Variants in CYGB observed in about 807,000 individuals in gnomAD.
CYGB encodes histoglobin.
A neutral mutation model predicts 20.7 loss-of-function variants in CYGB; 13 were observed. The observed-to-expected ratio is 0.63, with a 90% CI of 0.41 to 1.00. The LOEUF is 1.00. Among genes scored for constraint, CYGB ranks in the 50% least tolerant of loss-of-function variants. CYGB has a pLI of 0.00. For missense variants in CYGB, 218 were observed against 257.2 expected (o/e 0.85, Z 1.04); for synonymous variants, 93 against 107.4 (o/e 0.87, Z 0.83).
At chr17:76,544,420 G>C (rs991795551) in intron 1 of CYGB, 17 of 454,770 alleles carry the variant, frequency 3.7e-5, no homozygotes, top group Admixed American at 1.4e-4. Flanking sequence ...CGCTCAGGGT[G>C]GGGGAGGAGG....
At chr17:76,547,659 A>G (rs1445709044) in intron 1 of CYGB, among the ~76,000 whole-genome samples, 1 of 151,608 alleles carries the variant, frequency 6.6e-6, no homozygotes, top group East Asian at 1.9e-4. Context: ...ACACACACAC[A>G]CACATATTCA....
chr17:76,545,368 G>A (rs2075044451), intron 1 of CYGB: 1 of 456,560 alleles, frequency 2.2e-6, no homozygotes, highest in Non-Finnish European at 4.4e-6. Context: ...TCCTGACTAT[G>A]ACACTGTCCC....
chr17:76,530,886 C>T lies in CYGB; in HGVS notation c.539+93G>A, dbSNP rs968905628. ...CCTCAAGTGTGCCTGCCCAGGTGATCAGCCCCAGGGCCTCAGGAGATATGG... is the reference window on the plus strand; with the variant it reads ...CCTCAAGTGTGCCTGCCCAGGTGATTAGCCCCAGGGCCTCAGGAGATATGG... On this transcript the variant is annotated intron_variant, in intron 3 of 3. Coordinates refer to ENST00000293230, the MANE Select transcript of CYGB (RefSeq NM_134268.5). The surrounding 1 kb of genome is among the most constrained non-coding windows in gnomAD (Gnocchi z 6.1). 2.2e-6 allele frequency: 3 copies of T among 1,376,554 alleles called. No individual in the cohort carries two copies. Among genetic ancestry groups the T allele is most frequent in the South Asian group, 3.0e-5 (2 of 67,122 alleles). The allele number at this position is 1,376,554 out of a possible 1,614,324, so 85.3% of individuals were successfully genotyped here. A position where few individuals can be genotyped will look rare whatever the true frequency, so the allele number is the denominator to read the frequency against.
chr17:76,537,597 G>A lies in CYGB; in HGVS notation c.-55C>T, dbSNP rs566257286. On this transcript the variant is annotated 5_prime_UTR_variant, in exon 1 of 4. Coordinates refer to ENST00000293230, the MANE Select transcript of CYGB (RefSeq NM_134268.5). ...TCGGCGGCGGCGGTGGCGGGGCGCGGGGCGCGGGGCGCGGGGCGCCGGGAG... is the reference window on the plus strand; with the variant it reads ...TCGGCGGCGGCGGTGGCGGGGCGCGAGGCGCGGGGCGCGGGGCGCCGGGAG... 6.8e-5 allele frequency: 71 copies of A among 1,049,740 alleles called. No homozygotes were observed. The East Asian group carries it at 3.4e-3, about 50-fold the overall frequency. 65.0% of individuals were successfully genotyped at this position (1,049,740 alleles called of 1,614,324 possible). A position where few individuals can be genotyped will look rare whatever the true frequency, so the allele number is the denominator to read the frequency against.
intron 3 of CYGB, chr17:76,529,773 G>A: frequency 1.0e-6 from 1 of 985,298 alleles, no homozygotes; most frequent in Admixed American, 6.1e-5. Context: ...CCCTCCTCTG[G>A]TGGGCCAACA....
upstream of CYGB, chr17:76,542,603 C>T (rs764544732): frequency 5.0e-6 from 8 of 1,613,778 alleles, no homozygotes; most frequent in East Asian, 1.8e-4. Context: ...GGGGCTCAGG[C>T]CCAGAGACTG....
At chr17:76,529,254 G>T (rs775642150) in intron 3 of CYGB, 13 of 985,298 alleles carry the variant, frequency 1.3e-5, no homozygotes, top group Non-Finnish European at 1.3e-5. Context: ...AGGGACACTA[G>T]GGGTGGGCTA....
upstream of CYGB, chr17:76,539,951 C>T (rs146388757): frequency 2.9e-3 from 1,772 of 620,960 alleles, 20 homozygotes; most frequent in African/African-American, 0.026. Flanking sequence ...GAACCTGGGC[C>T]CAGTGAGCTT....
In CYGB at chr17:76,533,243, T is replaced by A. The variant is rs1351633520; in HGVS notation, c.144-1552A>T. Among the ~76,000 whole-genome samples the A allele has an allele frequency of 6.6e-6, 1 of 152,148 alleles. No homozygotes were observed. Among genetic ancestry groups the A allele is most frequent in the African/African-American group, 2.4e-5 (1 of 41,422 alleles). The stretch of plus-strand genomic sequence containing the variant: ...CAAACCGCTTCACAAGCTCCCTGTT[T>A]GCAGAAGGGCAAGAGGAGGGCCCCC... On this transcript the variant is annotated intron_variant, in intron 1 of 3. Coordinates refer to ENST00000293230, the MANE Select transcript of CYGB (RefSeq NM_134268.5). The surrounding 1 kb of genome is among the most constrained non-coding windows in gnomAD (Gnocchi z 4.5).
upstream of CYGB, chr17:76,542,666 G>C (rs2075006043): frequency 7.0e-7 from 1 of 1,431,374 alleles, no homozygotes; most frequent in African/African-American, 1.4e-5. Flanking sequence ...GGAGGGCAGA[G>C]GGCAAGGCTT....
chr17:76,531,712 G>T lies in CYGB; in HGVS notation c.144-21C>A, dbSNP rs754600110. On this transcript the variant is annotated intron_variant, in intron 1 of 3. Coordinates refer to ENST00000293230, the MANE Select transcript of CYGB (RefSeq NM_134268.5). This position sits in a 1 kb window ranked among gnomAD's most constrained non-coding sequence, Gnocchi z 7.4. ...AGAACCTGGCAAGAGGAACAGGGGTGGTCGCTGAAGCTGGAGGCTGCCTCG... is the reference window on the plus strand; with the variant it reads ...AGAACCTGGCAAGAGGAACAGGGGTTGTCGCTGAAGCTGGAGGCTGCCTCG... The T allele has an allele frequency of 5.1e-6, 8 of 1,566,630 alleles. No individual in the cohort carries two copies. The African/African-American group carries it at 1.1e-4, about 21-fold the overall frequency.
chr17:76,531,649 C>A lies in CYGB; in HGVS notation c.186G>T (p.Gln62His). The A allele has an allele frequency of 2.5e-6, 4 of 1,610,000 alleles. No homozygotes were observed. The highest frequency in any genetic ancestry group is 3.4e-6 in the Non-Finnish European group (4 of 1,176,506). ...CCAGGGGATCCTCCATGTGCTTGAA[C>A]TGGCTGAAGTACTGCTTGGCCGAGG... is the stretch of plus-strand genomic sequence containing the variant. ...NFPSAKQYFS[Q>H]FKHMEDPLEM... The change falls in exon 2 of 4, where the codon CAG (glutamine) becomes CAT (histidine). Residue 62 changes from glutamine (Q) to histidine (H), a missense_variant. Physicochemically the swap from Gln to His is conservative, Grantham distance 24. Transcript: ENST00000293230. This position sits in a 1 kb window ranked among gnomAD's most constrained non-coding sequence, Gnocchi z 7.4.
At chr17:76,540,683 T>TCCTGGC, upstream of CYGB, 1 of 1,085,836 alleles carries the variant, frequency 9.2e-7, no homozygotes, top group Non-Finnish European at 1.4e-6. This position sits in a 1 kb window ranked among gnomAD's most constrained non-coding sequence, Gnocchi z 5.0. Flanking sequence ...GTGCACCGTA[T>TCCTGGC]CCTGGCCCTT....
chr17:76,529,953 C>T, intron 3 of CYGB: 6 of 985,288 alleles, frequency 6.1e-6, no homozygotes, highest in Non-Finnish European at 6.0e-6. Context: ...CCAGTGTGGT[C>T]AGCAGCAGGA....
intron 1 of CYGB, among the ~76,000 whole-genome samples, chr17:76,548,241 TAC>T (rs376994644): frequency 3.3e-5 from 5 of 151,406 alleles, no homozygotes; most frequent in East Asian, 1.9e-4. Context: ...AGCATACACA[TAC>T]ACACAGTCAC....
intron 1 of CYGB, among the ~76,000 whole-genome samples, chr17:76,535,810 T>C (rs4789308): frequency 0.98 from 148,847 of 152,178 alleles, 72,882 homozygotes; most frequent in Middle Eastern, 1. Flanking sequence ...TCAATGGTGT[T>C]CCATGATGTG....
intron 1 of CYGB, among the ~76,000 whole-genome samples, chr17:76,536,570 C>T (rs867836272): frequency 1.3e-5 from 2 of 152,272 alleles, no homozygotes; most frequent in Middle Eastern, 3.4e-3. Context: ...TTGGACACAT[C>T]ACCTCTATAA....
chr17:76,531,124 G>A lies in CYGB; in HGVS notation c.394C>T (p.Leu132=), dbSNP rs144729546. 598 of 1,613,774 alleles carry A rather than the reference G, an allele frequency of 3.7e-4. 3 individuals carry two copies. The African/African-American group carries it at 7.2e-3, about 19-fold the overall frequency. The part of the protein sequence containing the change: ...VYFKILSGVI[L]EVVAEEFASD... ...GCAAATTCCTCGGCGACCACCTCCAGAATGACCCCAGAGAGGATCTGGGGG... is the reference window on the plus strand; with the variant it reads ...GCAAATTCCTCGGCGACCACCTCCAAAATGACCCCAGAGAGGATCTGGGGG... Residue 132 remains leucine (L), a synonymous_variant, in exon 3 of 4, where the codon CTG becomes TTG. Transcript: ENST00000293230. This position sits in a 1 kb window ranked among gnomAD's most constrained non-coding sequence, Gnocchi z 7.4.
chr17:76,547,630 AACAC>A (rs1202657652), intron 1 of CYGB, among the ~76,000 whole-genome samples: 1 of 106,842 alleles, frequency 9.4e-6, no homozygotes, highest in African/African-American at 3.8e-5. Flanking sequence ...TCCCTATGTG[AACAC>A]ACACACATTC....
Sources: allele counts gnomAD v4.1 joint callset (sites outside exome capture counted in the v4.1 genomes callset), GRCh38; gene constraint gnomAD v4.1.1; non-coding constraint Gnocchi (gnomAD v3.1); transcripts MANE v1.5; gene names NCBI Gene and HGNC (gene_info 2026-07-23, HGNC 2026-07-21).